Variants in RBFOX2 observed in about 807,000 individuals in gnomAD.
RBFOX2 encodes RNA binding protein fox-1 homolog 2.
In RBFOX2, 10 loss-of-function variants were observed where a neutral mutation model predicts 49.1. The observed-to-expected ratio is 0.20, with a 90% CI of 0.13 to 0.35. RBFOX2 has a LOEUF of 0.35. Ranked by LOEUF, RBFOX2 falls within the 10% of genes least tolerant of loss-of-function variation. The pLI is 1.00. For synonymous variants in RBFOX2, 183 were observed against 187.4 expected (o/e 0.98, Z 0.19); for missense variants, 323 against 486.9 (o/e 0.66, Z 3.17).
At chr22:35,789,542 C>CA (rs985387675) in intron 2 of RBFOX2, among the ~76,000 whole-genome samples, 4 of 149,872 alleles carry the variant, frequency 2.7e-5, no homozygotes, top group South Asian at 2.1e-4. Context: ...GACTCCATCT[C>CA]AAAAAAAAAG....
intron 1 of RBFOX2, among the ~76,000 whole-genome samples, chr22:35,947,608 C>T (rs921642931): frequency 3.5e-5 from 5 of 143,874 alleles, no homozygotes; most frequent in African/African-American, 7.8e-5. Context: ...ATTTTGTCCC[C>T]GTGGAGGCCT....
At chr22:35,832,045 C>T (rs961622884) in intron 1 of RBFOX2, among the ~76,000 whole-genome samples, 1 of 152,098 alleles carries the variant, frequency 6.6e-6, no homozygotes, top group Admixed American at 6.6e-5. Context: ...TATAAATTGC[C>T]AACAACACTA....
chr22:35,897,319 AG>A (rs1195312420), intron 1 of RBFOX2: 22 of 1,477,192 alleles, frequency 1.5e-5, no homozygotes, highest in Non-Finnish European at 2.0e-5. Flanking sequence ...GACAGCCAGC[AG>A]TAAGTGTGAT....
chr22:35,908,600 A>G (rs2049395086), intron 1 of RBFOX2, among the ~76,000 whole-genome samples: 1 of 152,226 alleles, frequency 6.6e-6, no homozygotes, highest in South Asian at 2.1e-4. Context: ...GTAAAGTCAG[A>G]AAACTGTTAA....
intron 1 of RBFOX2, among the ~76,000 whole-genome samples, chr22:35,969,786 T>G (rs1304368608): frequency 6.6e-6 from 1 of 152,242 alleles, no homozygotes; most frequent in African/African-American, 2.4e-5. Context: ...AAGGAGTTTC[T>G]TTCTGAGAAG....
At chr22:35,877,475 T>C (rs2045290232) in intron 1 of RBFOX2, among the ~76,000 whole-genome samples, 1 of 152,174 alleles carries the variant, frequency 6.6e-6, no homozygotes, top group Non-Finnish European at 1.5e-5. Flanking sequence ...GTTCTCAGTA[T>C]TGCCACTCAG....
At position 35,759,908 on chromosome 22, in the gene RBFOX2, T is replaced by C; in HGVS notation, c.867A>G (p.Thr289=). Residue 289 remains threonine (T), a synonymous_variant, in exon 9 of 12, where the codon ACA becomes ACG. Coordinates refer to ENST00000405409, the Ensembl canonical transcript of RBFOX2. This position sits in a 1 kb window ranked among gnomAD's most constrained non-coding sequence, Gnocchi z 4.6. ...CTTACCCTGGATAGGCGGGGATGGC[T>C]GTTGGAGGTACCGCTCGGACTGCAC... 6.2e-7 allele frequency: 1 copy of C among 1,613,700 alleles called. No individual in the cohort carries two copies.
intron 6 of RBFOX2, among the ~76,000 whole-genome samples, chr22:35,765,090 G>C (rs891147854): frequency 6.6e-6 from 1 of 151,050 alleles, no homozygotes. Flanking sequence ...GGGGTATTAC[G>C]GACAAGTCTA....
intron 1 of RBFOX2, among the ~76,000 whole-genome samples, chr22:35,830,496 G>C (rs764389258): frequency 6.6e-6 from 1 of 152,312 alleles, no homozygotes; most frequent in Non-Finnish European, 1.5e-5. Context: ...GTGTCCTTAA[G>C]CAAGTGTCTT....
At chr22:35,872,939 T>C (rs2044551028) in intron 1 of RBFOX2, among the ~76,000 whole-genome samples, 1 of 152,118 alleles carries the variant, frequency 6.6e-6, no homozygotes, top group Non-Finnish European at 1.5e-5. Flanking sequence ...CCTTTCTCTA[T>C]CCAGCACTTC....
upstream of RBFOX2, among the ~76,000 whole-genome samples, chr22:35,939,909 G>A (rs945188361): frequency 2.6e-5 from 4 of 152,174 alleles, no homozygotes; most frequent in Non-Finnish European, 4.4e-5. Flanking sequence ...GAGGGAAGAT[G>A]CACGTGCACA....
chr22:36,028,491 C>G, exon 1 of RBFOX2: 1 of 1,100,936 alleles, frequency 9.1e-7, no homozygotes, highest in Non-Finnish European at 1.1e-6. Flanking sequence ...CCCTGGGCCT[C>G]GGCCCCGACT....
intron 1 of RBFOX2, among the ~76,000 whole-genome samples, chr22:35,833,022 A>G (rs5750185): frequency 0.23 from 35,458 of 152,150 alleles, 6,496 homozygotes; most frequent in African/African-American, 0.51. Flanking sequence ...ATTACACATT[A>G]TACGCATGTA....
At chr22:35,775,210 T>C (rs1332457705) in intron 4 of RBFOX2, among the ~76,000 whole-genome samples, 1 of 152,146 alleles carries the variant, frequency 6.6e-6, no homozygotes, top group East Asian at 1.9e-4. Flanking sequence ...AAAATAAATC[T>C]CTATTAGGAG....
intron 1 of RBFOX2, among the ~76,000 whole-genome samples, chr22:35,956,448 A>T (rs1396584542): frequency 6.6e-6 from 1 of 151,024 alleles, no homozygotes; most frequent in Non-Finnish European, 1.5e-5. Flanking sequence ...AGCAACCTCC[A>T]CCTCCTGGGT....
intron 1 of RBFOX2, among the ~76,000 whole-genome samples, chr22:35,987,969 A>G (rs2057794857): frequency 6.6e-6 from 1 of 152,220 alleles, no homozygotes; most frequent in South Asian, 2.1e-4. Context: ...CTTATTCTGT[A>G]AATTATTTGG....
chr22:35,852,002 T>C (rs2041995026), intron 1 of RBFOX2, among the ~76,000 whole-genome samples: 1 of 152,108 alleles, frequency 6.6e-6, no homozygotes, highest in Non-Finnish European at 1.5e-5. Flanking sequence ...GCCCTCCTTA[T>C]CCTTGGGTTA....
At chr22:35,844,796 G>A (rs746198674), upstream of RBFOX2, among the ~76,000 whole-genome samples, 22 of 151,668 alleles carry the variant, frequency 1.5e-4, no homozygotes, top group African/African-American at 4.1e-4. Flanking sequence ...GTGAGCCACC[G>A]CGCCTGGCCT....
At chr22:35,840,326 G>T in exon 1 of RBFOX2, 1 of 1,607,728 alleles carries the variant, frequency 6.2e-7, no homozygotes, top group Non-Finnish European at 8.5e-7. Flanking sequence ...TTTAAGGGTG[G>T]GTAATTGATC....
Sources: gnomAD v4.1 joint callset for allele counts (sites outside exome capture counted in the v4.1 genomes callset) on GRCh38, gnomAD v4.1.1 for gene constraint, Gnocchi (gnomAD v3.1) non-coding constraint, MANE v1.5 for transcripts, NCBI Gene and HGNC (gene_info 2026-07-23, HGNC 2026-07-21) for gene names.